ZFAND4: variants seen among roughly 807,000 people sequenced by gnomAD.
The protein encoded by ZFAND4 is zinc finger AN1-type containing 4.
In ZFAND4, 43 loss-of-function variants were observed where a neutral mutation model predicts 64.4. That is an observed-to-expected ratio of 0.67 (90% CI 0.52 to 0.86). ZFAND4 has a LOEUF of 0.86. Among genes scored for constraint, ZFAND4 ranks in the 40% least tolerant of loss-of-function variants. The probability of loss-of-function intolerance (pLI) is 0.00; values close to 1 mark genes in which losing one functional copy is unlikely to be tolerated. For missense variants in ZFAND4, 929 were observed against 859.8 expected (o/e 1.08, Z -1.01); for synonymous variants, 296 against 305.7 (o/e 0.97, Z 0.33).
chr10:45,632,659 A>C (rs1450092266), intron 6 of ZFAND4, among the ~76,000 whole-genome samples: 1 of 152,172 alleles, frequency 6.6e-6, no homozygotes, highest in Non-Finnish European at 1.5e-5. Context: ...AAAATGCAAA[A>C]GCCTTCTGAA....
At chr10:45,653,313 A>G (rs1450602917) in intron 2 of ZFAND4, among the ~76,000 whole-genome samples, 1 of 152,220 alleles carries the variant, frequency 6.6e-6, no homozygotes, top group East Asian at 1.9e-4. Flanking sequence ...AAGGTATAAG[A>G]TAGGGATCCC....
intron 5 of ZFAND4, 84 bp downstream of exon 5, chr10:45,648,210 T>C: frequency 7.5e-7 from 1 of 1,332,134 alleles, no homozygotes; most frequent in Non-Finnish European, 1.0e-6. Context: ...TATTGGGGGC[T>C]GGGGCAGGAA....
intron 2 of ZFAND4, among the ~76,000 whole-genome samples, chr10:45,663,135 G>A (rs1018919964): frequency 2.7e-5 from 4 of 150,738 alleles, no homozygotes; most frequent in Non-Finnish European, 4.4e-5. Context: ...AAAAAGGAGG[G>A]TGGTTGCAAA....
chr10:45,651,425 T>C (rs1237336361), intron 4 of ZFAND4: 1 of 368,380 alleles, frequency 2.7e-6, no homozygotes, highest in African/African-American at 2.1e-5. Context: ...TCTACCATAC[T>C]TGGAACATTG....
chr10:45,619,045 ATT>A (rs112218055), intron 8 of ZFAND4, among the ~76,000 whole-genome samples: 7 of 145,206 alleles, frequency 4.8e-5, no homozygotes, highest in African/African-American at 1.3e-4. Flanking sequence ...AATTAAATCA[ATT>A]TTTTTTTTTT....
At chr10:45,630,213 A>G (rs1250042969) in intron 6 of ZFAND4, among the ~76,000 whole-genome samples, 2 of 152,138 alleles carry the variant, frequency 1.3e-5, no homozygotes, top group African/African-American at 4.8e-5. Context: ...CCCCAACCTA[A>G]ATTAAGTATC....
rs755506515 is a variant in ZFAND4 at position 45,653,065 on chromosome 10, G to C, written c.185-6C>G. On this transcript the variant is annotated splice_region_variant and splice_polypyrimidine_tract_variant and intron_variant, in intron 2 of 9. Coordinates refer to ENST00000344646, the MANE Select transcript of ZFAND4 (RefSeq NM_174890.4). ...TTGTCGACAGATGGGAATACCTTAAGGGAAAGTTATTAAAAAAAAGTGTTA... is the reference window on the plus strand; with the variant it reads ...TTGTCGACAGATGGGAATACCTTAACGGAAAGTTATTAAAAAAAAGTGTTA... The C allele has an allele frequency of 1.3e-6, 2 of 1,599,492 alleles. No individual in the cohort carries two copies. The highest frequency in any genetic ancestry group is 1.1e-5 in the South Asian group (1 of 89,242).
At chr10:45,638,845 C>T (rs1326457004) in intron 6 of ZFAND4, among the ~76,000 whole-genome samples, 1 of 152,122 alleles carries the variant, frequency 6.6e-6, no homozygotes, top group Non-Finnish European at 1.5e-5. Flanking sequence ...AGAAACCAGA[C>T]CATACTCTCT....
At chr10:45,641,224 G>T (rs2046977984) in intron 5 of ZFAND4, among the ~76,000 whole-genome samples, 1 of 152,180 alleles carries the variant, frequency 6.6e-6, no homozygotes, top group Non-Finnish European at 1.5e-5. Flanking sequence ...GGGAAAATTA[G>T]AATGGCAAGG....
chr10:45,625,360 G>A (rs1342209037), intron 7 of ZFAND4, among the ~76,000 whole-genome samples: 1 of 151,052 alleles, frequency 6.6e-6, no homozygotes, highest in Admixed American at 6.6e-5. Flanking sequence ...TGTAGTCCCA[G>A]CTACTTGGGA....
rs776661772 is a variant in ZFAND4, at chr10:45,663,640, T to C, written c.86A>G (p.Glu29Gly). 1 of 1,611,724 alleles carries C rather than the reference T, an allele frequency of 6.2e-7. No homozygotes were observed. The highest frequency in any genetic ancestry group is 8.5e-7 in the Non-Finnish European group (1 of 1,179,362). The change falls in exon 2 of 10, where the codon GAG (glutamate) becomes GGG (glycine). Residue 29 changes from glutamate to glycine, a missense_variant. Glu to Gly is a moderately conservative substitution (Grantham distance 98). Coordinates refer to ENST00000344646, the MANE Select transcript of ZFAND4 (RefSeq NM_174890.4). ...YYRLHFCDTM[E>G]LFIETLTGTC... ...TCCAGTTAATGTTTCAATGAAGAGCTCCATGGTATCACAGAAATGAAGTCT... is the reference window on the plus strand; with the variant it reads ...TCCAGTTAATGTTTCAATGAAGAGCCCCATGGTATCACAGAAATGAAGTCT...
chr10:45,653,320 T>C (rs1343840030), intron 2 of ZFAND4, among the ~76,000 whole-genome samples: 2 of 152,090 alleles, frequency 1.3e-5, no homozygotes, highest in African/African-American at 4.8e-5. Flanking sequence ...AAGATAGGGA[T>C]CCCTTTAAAA....
At chr10:45,618,047 A>C in intron 9 of ZFAND4, 93 bp downstream of exon 9, 3 of 1,339,166 alleles carry the variant, frequency 2.2e-6, no homozygotes, top group Non-Finnish European at 3.0e-6. Context: ...TAATGATGTT[A>C]TAAACAGGCA....
chr10:45,636,994 T>A (rs1218996436), intron 6 of ZFAND4, among the ~76,000 whole-genome samples: 1 of 146,666 alleles, frequency 6.8e-6, no homozygotes, highest in African/African-American at 2.5e-5. Flanking sequence ...AAGTCAATTG[T>A]TCCCCATCAG....
At chr10:45,621,738 C>T (rs1426882066) in intron 8 of ZFAND4, among the ~76,000 whole-genome samples, 3 of 151,368 alleles carry the variant, frequency 2.0e-5, no homozygotes, top group African/African-American at 7.3e-5. Flanking sequence ...TGAGACTCCA[C>T]CTCACAAAAA....
chr10:45,666,986 C>T (rs113051856), intron 1 of ZFAND4, among the ~76,000 whole-genome samples: 8,916 of 152,174 alleles, frequency 0.059, 378 homozygotes, highest in African/African-American at 0.12. Flanking sequence ...CCTTGAATTG[C>T]CATATGAATT....
intron 6 of ZFAND4, among the ~76,000 whole-genome samples, chr10:45,633,986 TA>T (rs1488573980): frequency 2.0e-5 from 3 of 152,192 alleles, no homozygotes; most frequent in Non-Finnish European, 4.4e-5. Context: ...AGCACATTAT[TA>T]AGACCTGGGA....
intron 4 of ZFAND4, chr10:45,649,070 C>T: frequency 1.5e-5 from 6 of 389,332 alleles, no homozygotes; most frequent in Non-Finnish European, 2.1e-5. Context: ...AGATCAAGAC[C>T]ATCCTGGCCA....
intron 1 of ZFAND4, among the ~76,000 whole-genome samples, chr10:45,667,168 C>A (rs1176898500): frequency 6.6e-6 from 1 of 152,070 alleles, no homozygotes; most frequent in Non-Finnish European, 1.5e-5. Flanking sequence ...TTTTAAAGCA[C>A]AAGTTTTGTT....
Sources: gnomAD v4.1 joint callset for allele counts (sites outside exome capture counted in the v4.1 genomes callset) on GRCh38, gnomAD v4.1.1 for gene constraint, MANE v1.5 for transcripts, NCBI Gene and HGNC (gene_info 2026-07-23, HGNC 2026-07-21) for gene names.